Variants in CDH18 observed in about 807,000 individuals in gnomAD.
The protein encoded by CDH18 is cadherin-18.
CDH18 carries 31 observed loss-of-function variants against 67.9 expected under a neutral mutation model. The ratio of observed to expected loss-of-function variants is 0.46; its 90% CI spans 0.34 to 0.62. The LOEUF (loss-of-function observed/expected upper bound fraction) is 0.62. Among genes scored for constraint, CDH18 ranks in the 20% least tolerant of loss-of-function variants. CDH18 has a pLI of 0.01. For missense variants in CDH18, 890 were observed against 975.5 expected (o/e 0.91, Z 1.17); for synonymous variants, 362 against 347.2 (o/e 1.04, Z -0.48).
intron 2 of CDH18, among the ~76,000 whole-genome samples, chr5:19,945,834 T>C (rs958981069): frequency 6.6e-6 from 1 of 151,880 alleles, no homozygotes; most frequent in Non-Finnish European, 1.5e-5. Flanking sequence ...AATAAAAGAC[T>C]AAAAAACTAA....
At chr5:20,486,681 G>GTATATATATATATA (rs750113034) in intron 1 of CDH18, among the ~76,000 whole-genome samples, 10,179 of 122,130 alleles carry the variant, frequency 0.083, 605 homozygotes, top group Non-Finnish European at 0.12. Context: ...TGCTATTTTT[G>GTATATATATATATA]TATATATATA....
chr5:19,959,472 C>G (rs1186967187), intron 2 of CDH18, among the ~76,000 whole-genome samples: 31 of 151,900 alleles, frequency 2.0e-4, no homozygotes, highest in Admixed American at 2.0e-3. Context: ...TATTTATTTT[C>G]CCACTTATTC....
intron 2 of CDH18, among the ~76,000 whole-genome samples, chr5:20,214,637 A>G (rs1740615394): frequency 6.6e-6 from 1 of 152,088 alleles, no homozygotes; most frequent in African/African-American, 2.4e-5. Context: ...CTGGCTAGCC[A>G]TGTGTAGAAG....
At chr5:19,484,612 T>C (rs1437877689) in intron 11 of CDH18, among the ~76,000 whole-genome samples, 1 of 152,216 alleles carries the variant, frequency 6.6e-6, no homozygotes, top group Non-Finnish European at 1.5e-5. Context: ...GAATAGCATA[T>C]AACTAACGAC....
chr5:19,498,958 T>A (rs184574657), intron 11 of CDH18, among the ~76,000 whole-genome samples: 132 of 152,326 alleles, frequency 8.7e-4, no homozygotes, highest in Non-Finnish European at 1.7e-3. Context: ...TTGAGCAGCA[T>A]GTTTATTCTT....
intron 1 of CDH18, among the ~76,000 whole-genome samples, chr5:20,548,779 A>G (rs1198107427): frequency 6.6e-6 from 1 of 152,144 alleles, no homozygotes; most frequent in African/African-American, 2.4e-5. Context: ...GTTCTGTCCA[A>G]TCCTTATTTT....
chr5:19,544,859 A>G (rs972510056), intron 8 of CDH18, among the ~76,000 whole-genome samples: 2 of 152,196 alleles, frequency 1.3e-5, no homozygotes, highest in Admixed American at 1.3e-4. Context: ...TCAATCTAGT[A>G]AATGTGCAGA....
rs1244839007 is a variant in CDH18, at chr5:19,839,156, T to C, written c.-170A>G. 1 of 584,038 alleles carries C rather than the reference T, an allele frequency of 1.7e-6. No individual in the cohort carries two copies. The highest frequency in any genetic ancestry group is 1.9e-5 in the African/African-American group (1 of 53,716). 36.2% of individuals were successfully genotyped at this position (584,038 alleles called of 1,614,324 possible). A position where few individuals can be genotyped will look rare whatever the true frequency, so the allele number is the denominator to read the frequency against. ...CATCAGGGAAAGGTCAGATCATATT[T>C]ACATTCTGAACCACTTGGAAAATCA... On this transcript the variant is annotated 5_prime_UTR_variant, in exon 3 of 13. The change abolishes the stop of an existing upstream ORF in the 5' untranslated region. Transcript: ENST00000382275.
intron 7 of CDH18, among the ~76,000 whole-genome samples, chr5:19,582,769 AT>A (rs1743478960): frequency 6.6e-6 from 1 of 152,016 alleles, no homozygotes; most frequent in Middle Eastern, 3.2e-3. Flanking sequence ...GGGATGACTT[AT>A]TTATTACTCT....
chr5:19,666,491 T>C (rs1357050801), intron 5 of CDH18, among the ~76,000 whole-genome samples: 1 of 151,772 alleles, frequency 6.6e-6, no homozygotes, highest in Non-Finnish European at 1.5e-5. Flanking sequence ...CCTGGGGGAA[T>C]AGATAAAATA....
rs368636447 is a variant in CDH18 at position 20,356,046 on chromosome 5, C to T, written c.-579-100541G>A. Reference sequence around the variant, plus strand: ...ATAGGAATATCAGTACATTTATTTTCGATCAAAGCATTAAAATTTGTTTTA... The same window carrying T: ...ATAGGAATATCAGTACATTTATTTTTGATCAAAGCATTAAAATTTGTTTTA... On this transcript the variant is annotated intron_variant, in intron 1 of 14. Coordinates refer to the CDH18 transcript ENST00000507958. Among the ~76,000 whole-genome samples, 61 of 152,204 alleles carry T rather than the reference C, an allele frequency of 4.0e-4. No homozygotes were observed. In the East Asian group the frequency reaches 8.3e-3, roughly 21 times the overall value.
At chr5:20,481,284 G>A (rs961006307) in intron 1 of CDH18, among the ~76,000 whole-genome samples, 1 of 150,986 alleles carries the variant, frequency 6.6e-6, no homozygotes, top group Admixed American at 6.6e-5. Context: ...AAAGGACATA[G>A]GAATTGTAAA....
chr5:20,537,273 T>G (rs1370624020), intron 1 of CDH18, among the ~76,000 whole-genome samples: 2 of 152,124 alleles, frequency 1.3e-5, no homozygotes, highest in East Asian at 3.9e-4. Context: ...CAAAAATATA[T>G]GCATTTATAT....
At chr5:19,957,981 A>G (rs1796419032) in intron 2 of CDH18, among the ~76,000 whole-genome samples, 1 of 152,102 alleles carries the variant, frequency 6.6e-6, no homozygotes, top group South Asian at 2.1e-4. Flanking sequence ...TAACAGATAC[A>G]GCTGACCCTT....
chr5:19,773,494 T>C (rs948340940), intron 3 of CDH18, among the ~76,000 whole-genome samples: 1 of 152,116 alleles, frequency 6.6e-6, no homozygotes, highest in African/African-American at 2.4e-5. Flanking sequence ...GAAAAGTGAA[T>C]CCTATTCAGG....
intron 1 of CDH18, among the ~76,000 whole-genome samples, chr5:20,479,651 GTTATTGGCCTTAAAA>G (rs1752660842): frequency 6.6e-6 from 1 of 152,102 alleles, no homozygotes; most frequent in African/African-American, 2.4e-5. Flanking sequence ...AAATCTAGGA[GTTATTGGCCTTAAAA>G]TTATTGGCCT....
At chr5:19,708,247 G>T (rs1764212517) in intron 5 of CDH18, among the ~76,000 whole-genome samples, 1 of 152,180 alleles carries the variant, frequency 6.6e-6, no homozygotes, top group Non-Finnish European at 1.5e-5. Flanking sequence ...AGGAACTGGA[G>T]TGCTTGAAGG....
intron 2 of CDH18, among the ~76,000 whole-genome samples, chr5:20,117,463 A>T (rs1187056253): frequency 1.3e-5 from 2 of 152,178 alleles, no homozygotes; most frequent in African/African-American, 4.8e-5. Flanking sequence ...TGCCAGTCAA[A>T]TCTGACCTTT....
In CDH18 at chr5:20,044,055, T is replaced by C. The variant is rs574468292; in HGVS notation, c.-517-52041A>G. Among the ~76,000 whole-genome samples, 63 of 152,298 alleles carry C rather than the reference T, an allele frequency of 4.1e-4. 1 individual carries two copies. Among genetic ancestry groups the C allele is most frequent in the African/African-American group, 1.4e-3 (57 of 41,574 alleles). On this transcript the variant is annotated intron_variant, in intron 2 of 14. Transcript: ENST00000507958. ...GACAAACAGACTCATTTCCTGTACATAATAGGCACTATTCATTAATTAGTA... is the reference window on the plus strand; with the variant it reads ...GACAAACAGACTCATTTCCTGTACACAATAGGCACTATTCATTAATTAGTA...
Sources: allele counts gnomAD v4.1 joint callset (sites outside exome capture counted in the v4.1 genomes callset), GRCh38; gene constraint gnomAD v4.1.1; transcripts MANE v1.5; gene names NCBI Gene and HGNC (gene_info 2026-07-23, HGNC 2026-07-21).